Variants in RBFOX1 observed in about 807,000 individuals in gnomAD.
RBFOX1 encodes the protein RNA binding protein fox-1 homolog 1.
Under a neutral mutation model 57.7 loss-of-function variants are expected in RBFOX1, and 8 were observed. The observed-to-expected ratio is 0.14, with a 90% confidence interval of 0.08 to 0.25. RBFOX1 has a LOEUF of 0.25. RBFOX1 is among the 10% of genes least tolerant of loss of function. The pLI is 1.00. For missense variants in RBFOX1, 611 were observed against 548.5 expected, an observed-to-expected ratio of 1.11 and a Z score of -1.14; for synonymous variants, 326 against 222.4, an observed-to-expected ratio of 1.47 and a Z score of -4.15.
chr16:7,083,565 T>G (rs2153801037), intron 4 of RBFOX1, among the ~76,000 whole-genome samples: 1 of 152,286 alleles, frequency 6.6e-6, no homozygotes, highest in Admixed American at 6.5e-5. Context: ...CTTTGTTGGC[T>G]TTCTCAGAGC....
At chr16:7,055,382 A>C (rs1041788791) in intron 4 of RBFOX1, among the ~76,000 whole-genome samples, 4 of 152,088 alleles carry the variant, frequency 2.6e-5, no homozygotes, top group Non-Finnish European at 4.4e-5. Flanking sequence ...ATAACTCTCC[A>C]CCTCCCAGTT....
chr16:7,601,338 G>A (rs1477261917), intron 9 of RBFOX1, among the ~76,000 whole-genome samples: 1 of 152,144 alleles, frequency 6.6e-6, no homozygotes, highest in Non-Finnish European at 1.5e-5. Context: ...TCAACACAAT[G>A]CTAGGTATGC....
At chr16:7,394,710 G>A (rs1198123541) in intron 4 of RBFOX1, among the ~76,000 whole-genome samples, 4 of 152,074 alleles carry the variant, frequency 2.6e-5, no homozygotes, top group South Asian at 2.1e-4. Flanking sequence ...CATGTGCCCC[G>A]GTTGAGGCAT....
chr16:7,701,915 C>T (rs1192413332), intron 14 of RBFOX1, among the ~76,000 whole-genome samples: 4 of 152,162 alleles, frequency 2.6e-5, no homozygotes, highest in African/African-American at 9.7e-5. Context: ...GAGGGTTTCT[C>T]CCTGTTGCAG....
At chr16:6,875,796 G>C (rs951469840) in intron 3 of RBFOX1, among the ~76,000 whole-genome samples, 3 of 152,114 alleles carry the variant, frequency 2.0e-5, no homozygotes, top group Admixed American at 6.5e-5. Flanking sequence ...TTTGAGGCCA[G>C]GAGTTCAAGA....
chr16:6,715,348 G>A (rs77338986), intron 3 of RBFOX1, among the ~76,000 whole-genome samples: 2,277 of 152,078 alleles, frequency 0.015, 44 homozygotes, highest in African/African-American at 0.045. Flanking sequence ...GGTGCGGAGG[G>A]ACAGATGGGG....
intron 4 of RBFOX1, among the ~76,000 whole-genome samples, chr16:7,394,287 T>C (rs558612854): frequency 1.0e-3 from 128 of 127,904 alleles, no homozygotes; most frequent in African/African-American, 3.5e-3. Context: ...TAAAAAATAG[T>C]CATAGAATGA....
intron 2 of RBFOX1, among the ~76,000 whole-genome samples, chr16:6,330,044 A>C (rs530756039): frequency 5.1e-4 from 77 of 152,272 alleles, no homozygotes; most frequent in Non-Finnish European, 2.9e-4. Flanking sequence ...GCTTTCCTTC[A>C]TCTTTCCCTT....
intron 4 of RBFOX1, among the ~76,000 whole-genome samples, chr16:7,403,195 C>G (rs928373520): frequency 2.0e-5 from 3 of 152,234 alleles, no homozygotes; most frequent in African/African-American, 7.2e-5. Flanking sequence ...CACTCTGAAT[C>G]CAGTGAAGGT....
At chr16:5,867,403 T>C in intron 4 of RBFOX1, 2 of 963,768 alleles carry the variant, frequency 2.1e-6, no homozygotes, top group Non-Finnish European at 1.3e-6. Flanking sequence ...TGATGGAGTG[T>C]AACGAGCATT....
intron 4 of RBFOX1, among the ~76,000 whole-genome samples, chr16:7,271,916 A>C (rs1392055801): frequency 6.6e-6 from 1 of 152,130 alleles, no homozygotes; most frequent in East Asian, 1.9e-4. Context: ...TGAGTGCCCC[A>C]GTCCTGCTGG....
chr16:6,558,701 T>G (rs967693344), intron 2 of RBFOX1, among the ~76,000 whole-genome samples: 9 of 152,090 alleles, frequency 5.9e-5, no homozygotes, highest in Non-Finnish European at 1.3e-4. Context: ...TGCTTATTCA[T>G]TCCCTCCGTC....
intron 3 of RBFOX1, among the ~76,000 whole-genome samples, chr16:6,730,248 G>A (rs966467845): frequency 6.6e-6 from 1 of 152,104 alleles, no homozygotes; most frequent in African/African-American, 2.4e-5. Context: ...TAGGGAGATG[G>A]TAGAACCGTA....
At chr16:7,417,372 C>CAAAA (rs369698520) in intron 4 of RBFOX1, among the ~76,000 whole-genome samples, 37,520 of 121,322 alleles carry the variant, frequency 0.31, 8,074 homozygotes, top group Non-Finnish European at 0.42. Context: ...GACTCTGTGT[C>CAAAA]AAAGAAAAAA....
At chr16:7,671,455 C>G (rs573817870) in intron 13 of RBFOX1, 11 of 1,153,522 alleles carry the variant, frequency 9.5e-6, no homozygotes, top group South Asian at 4.1e-5. Flanking sequence ...AAGAGAGAAG[C>G]AAACTTGTAA....
chr16:7,051,472 A>T (rs193016765), intron 3 of RBFOX1, among the ~76,000 whole-genome samples: 1 of 152,364 alleles, frequency 6.6e-6, no homozygotes, highest in East Asian at 1.9e-4. Flanking sequence ...CTGATGGCCG[A>T]TACCAGAAAC....
chr16:5,912,962 C>T (rs2058634214), intron 4 of RBFOX1, among the ~76,000 whole-genome samples: 1 of 152,150 alleles, frequency 6.6e-6, no homozygotes, highest in Non-Finnish European at 1.5e-5. Flanking sequence ...GGCCAGCTTC[C>T]TAATGTACTT....
chr16:5,955,320 A>AT (rs1225108412), intron 4 of RBFOX1, among the ~76,000 whole-genome samples: 3 of 77,812 alleles, frequency 3.9e-5, no homozygotes, highest in Admixed American at 1.4e-4. Flanking sequence ...ATAAAATAAA[A>AT]TAAAATAAAA....
At chr16:6,993,365 A>G (rs1186138323) in intron 3 of RBFOX1, among the ~76,000 whole-genome samples, 1 of 152,176 alleles carries the variant, frequency 6.6e-6, no homozygotes, top group Non-Finnish European at 1.5e-5. Context: ...GCAAATCCTC[A>G]TTTAGCTCCT....
Sources: allele counts gnomAD v4.1 joint callset (sites outside exome capture counted in the v4.1 genomes callset), GRCh38; gene constraint gnomAD v4.1.1; transcripts MANE v1.5; gene names NCBI Gene and HGNC (gene_info 2026-07-23, HGNC 2026-07-21).